The following RUBCN variants were observed in gnomAD, a reference collection of about 807,000 sequenced individuals.
The protein encoded by RUBCN is rubicon autophagy regulator, also known as run domain Beclin-1-interacting and cysteine-rich domain-containing protein.
A neutral mutation model predicts 113.2 loss-of-function variants in RUBCN; 74 were observed. That is an observed-to-expected ratio of 0.65 (90% CI 0.54 to 0.79). The LOEUF (loss-of-function observed/expected upper bound fraction) is 0.79. Ranked by LOEUF, RUBCN falls within the 30% of genes least tolerant of loss-of-function variation. The probability of loss-of-function intolerance (pLI) is 0.00; values close to 1 mark genes in which losing one functional copy is unlikely to be tolerated. For synonymous variants in RUBCN, 480 were observed against 490.0 expected, an observed-to-expected ratio of 0.98 and a Z score of 0.27; for missense variants, 1,109 against 1,251.7, an observed-to-expected ratio of 0.89 and a Z score of 1.72.
intron 11 of RUBCN, among the ~76,000 whole-genome samples, chr3:197,684,730 A>G (rs1721650065): frequency 6.6e-6 from 1 of 151,720 alleles, no homozygotes; most frequent in Non-Finnish European, 1.5e-5. Context: ...ATGTGTGTGT[A>G]TATATATACA....
intron 1 of RUBCN, 105 bp downstream of exon 1, chr3:197,736,550 G>T: frequency 1.0e-6 from 1 of 966,624 alleles, no homozygotes; most frequent in South Asian, 1.4e-5. Context: ...TCGTCCTCAA[G>T]ACTCGTCGCG....
chr3:197,678,475 G>A (rs915701500), intron 16 of RUBCN, among the ~76,000 whole-genome samples: 6 of 149,676 alleles, frequency 4.0e-5, no homozygotes, highest in African/African-American at 1.5e-4. Flanking sequence ...GCTTCAGACT[G>A]TCCTACGCTC....
Position 197,681,763 on chromosome 3 carries a change from CCA to C in RUBCN, c.2191+70_2191+71del. ...ACCTCCTGCTACCGCCTTTGACACG[CCA>C]CCTCTCCCTACGTGTCGGGGAGGGT... On this transcript the variant is annotated intron_variant, in intron 15 of 19. Transcript: ENST00000296343. This position sits in a 1 kb window ranked among gnomAD's most constrained non-coding sequence, Gnocchi z 5.5. The C allele has an allele frequency of 7.3e-7, 1 of 1,374,446 alleles. No individual in the cohort carries two copies. Among genetic ancestry groups the C allele is most frequent in the South Asian group, 1.2e-5 (1 of 86,264 alleles). The allele number at this position is 1,374,446 out of a possible 1,614,324, so 85.1% of individuals were successfully genotyped here.
chr3:197,694,581 T>C lies in RUBCN; in HGVS notation c.1478A>G (p.Asn493Ser). ...GGACTCTGAGATGCTGAAGTGGGCA[T>C]TCTCCTGGCGGAAGGAGAGCACCAA... ...FGSCADLEKE[N>S]AHFSISESLI... The change falls in exon 10 of 20, where the codon AAT (asparagine) becomes AGT (serine). Residue 493 changes from asparagine to serine, a missense_variant. Asn to Ser is a conservative substitution (Grantham distance 46). Around this residue, in one of 3 missense-constraint regions of RUBCN, gnomAD observed 736 missense variants for 779.6 expected, o/e 0.94. Coordinates refer to ENST00000296343, the MANE Select transcript of RUBCN (RefSeq NM_014687.4). 3.1e-6 allele frequency: 5 copies of C among 1,614,126 alleles called. No individual in the cohort carries two copies. In the African/African-American group the frequency reaches 4.0e-5, roughly 13 times the overall value.
chr3:197,683,370 C>T lies in RUBCN; in HGVS notation c.1917G>A (p.Gly639=). Residue 639 remains glycine (G), a synonymous_variant, in exon 13 of 20, where the codon GGG becomes GGA. Coordinates refer to ENST00000296343, the MANE Select transcript of RUBCN (RefSeq NM_014687.4). The surrounding 1 kb of genome is among the most constrained non-coding windows in gnomAD (Gnocchi z 4.6). The part of the protein sequence containing the change: ...VAMGLLKQFE[G]MQLPAASELE... ...GCTCCGAGGCGGCTGGAAGCTGCAT[C>T]CCCTCAAACTGCTTCAGGAGCCCCA... 1 of 1,614,192 alleles carries T rather than the reference C, an allele frequency of 6.2e-7. No individual in the cohort carries two copies. Among genetic ancestry groups the T allele is most frequent in the Non-Finnish European group, 8.5e-7 (1 of 1,180,030 alleles).
At chr3:197,708,553 T>TA (rs1724585254) in intron 2 of RUBCN, among the ~76,000 whole-genome samples, 1 of 63,922 alleles carries the variant, frequency 1.6e-5, no homozygotes, top group Non-Finnish European at 3.0e-5. Context: ...AGTGGTAGAC[T>TA]CAAAAAAAAA....
Position 197,681,050 on chromosome 3 carries a change from G to T in RUBCN, c.2430+79C>A. On this transcript the variant is annotated intron_variant, in intron 16 of 19. Coordinates refer to ENST00000296343, the MANE Select transcript of RUBCN (RefSeq NM_014687.4). The surrounding 1 kb of genome is among the most constrained non-coding windows in gnomAD (Gnocchi z 5.5). ...GGACAAGAGGAGGGGATGGGGGGAG[G>T]GGACGGGGGAGGGACGAGGGGAGGG... The T allele has an allele frequency of 1.4e-6, 1 of 706,820 alleles. No individual in the cohort carries two copies. The highest frequency in any genetic ancestry group is 3.1e-5 in the East Asian group (1 of 31,910). 43.8% of individuals were successfully genotyped at this position (706,820 alleles called of 1,614,324 possible).
At chr3:197,716,329 T>A (rs1024747230) in intron 2 of RUBCN, among the ~76,000 whole-genome samples, 4 of 152,222 alleles carry the variant, frequency 2.6e-5, no homozygotes, top group African/African-American at 9.6e-5. Context: ...AGTTTCACCA[T>A]GTTGGCCAGG....
At chr3:197,687,110 A>T (rs1191224269) in intron 11 of RUBCN, among the ~76,000 whole-genome samples, 1 of 152,204 alleles carries the variant, frequency 6.6e-6, no homozygotes, top group East Asian at 1.9e-4. Flanking sequence ...TTCAGAATGT[A>T]CTGGCCAGTT....
Position 197,694,482 on chromosome 3 carries a change from T to C in RUBCN, c.1577A>G (p.Glu526Gly). ...CTCCTGGATCTCTCTATCACTGTCT[T>C]CCTCTTCCACTTCCTCCTCCTCTAG... The part of the protein sequence containing the change: ...QCLEEEEVEE[E>G]DSDREIQELK... The change falls in exon 10 of 20, where the codon GAA becomes GGA. Residue 526 changes from glutamate (E) to glycine (G), a missense_variant. Glu to Gly is a moderately conservative substitution (Grantham distance 98, BLOSUM62 -2). Coordinates refer to ENST00000296343, the MANE Select transcript of RUBCN (RefSeq NM_014687.4). 1 of 1,614,220 alleles carries C rather than the reference T, an allele frequency of 6.2e-7. No homozygotes were observed. The highest frequency in any genetic ancestry group is 8.5e-7 in the Non-Finnish European group (1 of 1,180,048).
chr3:197,681,021 G>T lies in RUBCN; in HGVS notation c.2430+108C>A. Reference sequence around the variant, plus strand: ...AGGAGACGAGGGGAGGGGATGGGGGGAGGGGACAAGAGGAGGGGATGGGGG... The same window carrying T: ...AGGAGACGAGGGGAGGGGATGGGGGTAGGGGACAAGAGGAGGGGATGGGGG... On this transcript the variant is annotated intron_variant, in intron 16 of 19. Coordinates refer to ENST00000296343, the MANE Select transcript of RUBCN (RefSeq NM_014687.4). This position sits in a 1 kb window ranked among gnomAD's most constrained non-coding sequence, Gnocchi z 5.5. The T allele has an allele frequency of 1.5e-6, 1 of 652,650 alleles. No homozygotes were observed. The highest frequency in any genetic ancestry group is 1.6e-5 in the South Asian group (1 of 63,410). 40.4% of individuals were successfully genotyped at this position (652,650 alleles called of 1,614,324 possible).
intron 2 of RUBCN, among the ~76,000 whole-genome samples, chr3:197,708,957 A>G (rs939378892): frequency 6.6e-6 from 1 of 152,182 alleles, no homozygotes; most frequent in African/African-American, 2.4e-5. Context: ...TTCATACTAC[A>G]GGATTTTTTA....
At chr3:197,703,432 A>AAAAAAGT (rs1553896558) in intron 5 of RUBCN, 116 bp downstream of exon 5, 1 of 427,910 alleles carries the variant, frequency 2.3e-6, no homozygotes, top group African/African-American at 2.5e-5. Flanking sequence ...AAAAAAAAAA[A>AAAAAAGT]TGCAAGCCTT....
At chr3:197,679,780 A>G (rs1176806609) in intron 16 of RUBCN, among the ~76,000 whole-genome samples, 2 of 146,678 alleles carry the variant, frequency 1.4e-5, no homozygotes, top group Non-Finnish European at 3.0e-5. Flanking sequence ...AACTGGCTTC[A>G]GACTGTCCTA....
rs756916167 is a variant in RUBCN at position 197,718,124 on chromosome 3, C to T, written c.72G>A (p.Glu24=). 1.2e-6 allele frequency: 2 copies of T among 1,614,246 alleles called. No individual in the cohort carries two copies. Among genetic ancestry groups the T allele is most frequent in the Non-Finnish European group, 1.7e-6 (2 of 1,180,034 alleles). Residue 24 remains glutamate, a synonymous_variant, in exon 2 of 20, where the codon GAG becomes GAA. Transcript: ENST00000296343. Reference sequence around the variant, plus strand: ...TCAAATTACCCAGCAACTGCCAGTGCTCCCTCCTGCAAGGGCATCAGTTAC... The same window carrying T: ...TCAAATTACCCAGCAACTGCCAGTGTTCCCTCCTGCAAGGGCATCAGTTAC... ...EERLPEESRR[E]HWQLLGNLKT...
At chr3:197,749,495 T>C in exon 1 of RUBCN, 2 of 1,285,596 alleles carry the variant, frequency 1.6e-6, no homozygotes, top group Non-Finnish European at 1.0e-6. Context: ...GGGATGCAGC[T>C]GCAATCTACA....
chr3:197,676,075 TGAC>T lies in RUBCN; in HGVS notation c.2647-563_2647-561del, dbSNP rs535370051. The T allele has an allele frequency of 2.7e-4, 136 of 507,822 alleles. 1 individual carries two copies. The highest frequency in any genetic ancestry group is 1.7e-3 in the African/African-American group (83 of 47,898). 31.5% of individuals were successfully genotyped at this position (507,822 alleles called of 1,614,324 possible). ...CTGCATTTTCAACATGTTGAGTAGA[TGAC>T]GACAATAACGACGTGCGTTTGAGGA... On this transcript the variant is annotated intron_variant, in intron 18 of 19. Coordinates refer to ENST00000296343, the MANE Select transcript of RUBCN (RefSeq NM_014687.4).
chr3:197,696,956 T>C lies in RUBCN; in HGVS notation c.1355A>G (p.Tyr452Cys), dbSNP rs777488799. 3 of 1,563,200 alleles carry C rather than the reference T, an allele frequency of 1.9e-6. No individual in the cohort carries two copies. The highest frequency in any genetic ancestry group is 1.1e-5 in the South Asian group (1 of 90,030). The change falls in exon 8 of 20, where the codon TAT becomes TGT. Residue 452 changes from tyrosine to cysteine, a missense_variant and splice_region_variant. Physicochemically the swap from Tyr to Cys is radical, Grantham distance 194. This residue lies in a region of RUBCN where 736 missense variants were observed against 779.6 expected (regional missense o/e 0.94). Coordinates refer to ENST00000296343, the MANE Select transcript of RUBCN (RefSeq NM_014687.4). Reference sequence around the variant, plus strand: ...GCCCTGGCCTTCCTAGTACTCACCATATTCCATGTACAGAGAGCTGGGTGT... The same window carrying C: ...GCCCTGGCCTTCCTAGTACTCACCACATTCCATGTACAGAGAGCTGGGTGT... Reference protein sequence around the residue: ...VSTPSSLYMEYEGGRYLCSGE... With the variant: ...VSTPSSLYMECEGGRYLCSGE...
chr3:197,719,495 A>T (rs900044603), intron 1 of RUBCN, among the ~76,000 whole-genome samples: 3 of 151,602 alleles, frequency 2.0e-5, no homozygotes, highest in Non-Finnish European at 4.4e-5. Flanking sequence ...AAAAAAAAAA[A>T]AAAGAACATG....
Sources: gnomAD v4.1 joint callset for allele counts (sites outside exome capture counted in the v4.1 genomes callset) on GRCh38, gnomAD v4.1.1 for gene constraint, gnomAD v4.1.1 regional missense constraint, Gnocchi (gnomAD v3.1) non-coding constraint, MANE v1.5 for transcripts, NCBI Gene and HGNC (gene_info 2026-07-23, HGNC 2026-07-21) for gene names.